The following CAMTA1 variants were observed in gnomAD, a reference collection of about 807,000 sequenced individuals.
The protein encoded by CAMTA1 is calmodulin binding transcription activator 1.
In CAMTA1, 27 loss-of-function variants were observed where a neutral mutation model predicts 170.9. That is an observed-to-expected ratio of 0.16 (90% CI 0.12 to 0.22). The LOEUF (loss-of-function observed/expected upper bound fraction) is 0.22. Among genes scored for constraint, CAMTA1 ranks in the 10% least tolerant of loss-of-function variants. CAMTA1 has a pLI of 1.00. For synonymous variants in CAMTA1, 833 were observed against 891.5 expected (o/e 0.93, Z 1.17); for missense variants, 1,619 against 2,217.2 (o/e 0.73, Z 5.42).
intron 10 of CAMTA1, among the ~76,000 whole-genome samples, chr1:7,676,944 A>ATG: frequency 6.6e-6 from 1 of 152,286 alleles, no homozygotes; most frequent in East Asian, 1.9e-4. Flanking sequence ...TTGGGGCCAC[A>ATG]GCAGTTAACG....
intron 6 of CAMTA1, among the ~76,000 whole-genome samples, chr1:7,526,997 G>C (rs1457411315): frequency 6.6e-6 from 1 of 152,172 alleles, no homozygotes; most frequent in African/African-American, 2.4e-5. Flanking sequence ...TGCTGAGAAG[G>C]TCTCTCCACC....
At chr1:7,414,308 G>A (rs891786360) in intron 5 of CAMTA1, among the ~76,000 whole-genome samples, 2 of 152,098 alleles carry the variant, frequency 1.3e-5, no homozygotes, top group Non-Finnish European at 2.9e-5. Context: ...TTTTTCTATT[G>A]ATTGGAATAG....
chr1:7,247,634 C>G (rs969129739), intron 4 of CAMTA1, among the ~76,000 whole-genome samples: 2 of 152,150 alleles, frequency 1.3e-5, no homozygotes, highest in African/African-American at 4.8e-5. Context: ...GCAGAGCCCA[C>G]CTGTTTCATT....
At position 6,930,310 on chromosome 1, in the gene CAMTA1, C is replaced by T. The variant is rs186302276; in HGVS notation, c.234+105100C>T. On this transcript the variant is annotated intron_variant, in intron 3 of 22. Coordinates refer to ENST00000303635, the MANE Select transcript of CAMTA1 (RefSeq NM_015215.4). ...GTACCATGTTCCCACCATTGTACAC[C>T]GTCATATGCTGAAGGATGAAGGATG... is the stretch of plus-strand genomic sequence containing the variant. Among the ~76,000 whole-genome samples, 320 of 152,166 alleles carry T rather than the reference C, an allele frequency of 2.1e-3. 4 individuals carry two copies. The highest frequency in any genetic ancestry group is 0.015 in the Admixed American group (230 of 15,290).
chr1:7,677,764 G>T, intron 11 of CAMTA1, 31 bp downstream of exon 11: 1 of 1,601,008 alleles, frequency 6.2e-7, no homozygotes, highest in Non-Finnish European at 8.5e-7. Context: ...GTCTTGCCAG[G>T]CACCAAGGGA....
chr1:7,270,285 A>ATTT (rs1231590647), intron 5 of CAMTA1, among the ~76,000 whole-genome samples: 1 of 115,076 alleles, frequency 8.7e-6, no homozygotes, highest in East Asian at 2.8e-4. Flanking sequence ...ATATATATAT[A>ATTT]TATATATTTT....
At chr1:6,804,032 C>CA (rs1644211349) in intron 1 of CAMTA1, among the ~76,000 whole-genome samples, 1 of 151,992 alleles carries the variant, frequency 6.6e-6, no homozygotes, top group Non-Finnish European at 1.5e-5. Context: ...AAAAAAAATA[C>CA]AAAAAGCTGG....
intron 4 of CAMTA1, among the ~76,000 whole-genome samples, chr1:7,202,501 G>A (rs1253352695): frequency 6.6e-6 from 1 of 152,134 alleles, no homozygotes; most frequent in Non-Finnish European, 1.5e-5. Context: ...ACGATGTTAA[G>A]TTTTCTGACC....
At chr1:7,595,048 C>T (rs1025842956) in intron 6 of CAMTA1, among the ~76,000 whole-genome samples, 2 of 152,194 alleles carry the variant, frequency 1.3e-5, no homozygotes, top group African/African-American at 4.8e-5. Flanking sequence ...CATCTTAGGT[C>T]ATGAGACAGG....
At chr1:7,407,370 C>T (rs888930887) in intron 5 of CAMTA1, among the ~76,000 whole-genome samples, 1 of 152,138 alleles carries the variant, frequency 6.6e-6, no homozygotes, top group Non-Finnish European at 1.5e-5. Flanking sequence ...CACAGACAGG[C>T]ACCTGCATGC....
chr1:7,607,539 G>A (rs964270268), intron 6 of CAMTA1, among the ~76,000 whole-genome samples: 3 of 152,032 alleles, frequency 2.0e-5, no homozygotes, highest in Non-Finnish European at 4.4e-5. Flanking sequence ...GATGGAAGAT[G>A]AGTGGATGGG....
intron 1 of CAMTA1, among the ~76,000 whole-genome samples, chr1:6,810,872 C>A (rs60783788): frequency 6.6e-6 from 1 of 152,084 alleles, no homozygotes; most frequent in Non-Finnish European, 1.5e-5. Flanking sequence ...TGTCCTCCAC[C>A]GTAGAGGGGT....
In CAMTA1 at chr1:7,553,222, A is replaced by AATGC. The variant is rs1195205367; in HGVS notation, c.510+85324_510+85325insCATG. 2.3e-4 allele frequency among the ~76,000 whole-genome samples: 3 copies of AATGC among 12,926 alleles called. No individual in the cohort carries two copies. The African/African-American group carries it at 2.6e-3, about 11-fold the overall frequency. 8.5% of individuals were successfully genotyped at this position (12,926 alleles called of 152,430 possible). ...GCATGAATGAGTGAATAAGTGAGTG[A>AATGC]ATGAATGAGGGAATGAATGAATGAG... On this transcript the variant is annotated intron_variant, in intron 6 of 22. Transcript: ENST00000303635.
At chr1:7,077,849 A>G (rs1206931350) in intron 3 of CAMTA1, among the ~76,000 whole-genome samples, 2 of 152,146 alleles carry the variant, frequency 1.3e-5, no homozygotes, top group African/African-American at 2.4e-5. Context: ...GTCTGCTACC[A>G]TGAAAGCCTT....
At chr1:7,671,525 T>G (rs4908675) in intron 10 of CAMTA1, among the ~76,000 whole-genome samples, 20,789 of 152,130 alleles carry the variant, frequency 0.14, 1,844 homozygotes, top group East Asian at 0.26. Flanking sequence ...CCGAGGGCCC[T>G]GGGCAGGGGG....
At chr1:7,447,206 CT>C (rs2092701576) in intron 5 of CAMTA1, among the ~76,000 whole-genome samples, 1 of 152,064 alleles carries the variant, frequency 6.6e-6, no homozygotes, top group African/African-American at 2.4e-5. Flanking sequence ...CAGAAGGGCA[CT>C]TTGTAAACAC....
chr1:7,442,478 G>A (rs913049172), intron 5 of CAMTA1, among the ~76,000 whole-genome samples: 6 of 152,146 alleles, frequency 3.9e-5, no homozygotes, highest in South Asian at 2.1e-4. Context: ...ACGTAGGTTC[G>A]CATACCAATG....
At chr1:7,407,989 A>G (rs1023865383) in intron 5 of CAMTA1, among the ~76,000 whole-genome samples, 3 of 152,102 alleles carry the variant, frequency 2.0e-5, no homozygotes, top group East Asian at 1.9e-4. Flanking sequence ...ACAAACACCA[A>G]TGCAAGCAGA....
intron 17 of CAMTA1, 119 bp downstream of exon 17, chr1:7,745,141 GAA>G: frequency 1.0e-6 from 1 of 963,738 alleles, no homozygotes; most frequent in South Asian, 1.7e-5. Flanking sequence ...AGGAAGGAAG[GAA>G]GCATGAGGAC....
Sources: allele counts gnomAD v4.1 joint callset (sites outside exome capture counted in the v4.1 genomes callset), GRCh38; gene constraint gnomAD v4.1.1; transcripts MANE v1.5; gene names NCBI Gene and HGNC (gene_info 2026-07-23, HGNC 2026-07-21).